SOX6: variants seen among roughly 807,000 people sequenced by gnomAD.
SOX6 encodes the protein transcription factor SOX-6.
Under a neutral mutation model 97.8 loss-of-function variants are expected in SOX6, and 11 were observed. The observed-to-expected ratio is 0.11, with a 90% CI of 0.07 to 0.19. SOX6 has a LOEUF of 0.19. Ranked by LOEUF, SOX6 falls within the 10% of genes least tolerant of loss-of-function variation. The pLI is 1.00. For synonymous variants in SOX6, 360 were observed against 371.4 expected (o/e 0.97, Z 0.35); for missense variants, 810 against 1,039.5 (o/e 0.78, Z 3.04).
chr11:16,501,873 A>G (rs1336305059), intron 4 of SOX6, among the ~76,000 whole-genome samples: 1 of 152,200 alleles, frequency 6.6e-6, no homozygotes, highest in Non-Finnish European at 1.5e-5. Context: ...GGGACTGTAA[A>G]CTAGTTCAAC....
intron 1 of SOX6, among the ~76,000 whole-genome samples, chr11:16,440,440 G>C (rs1362859513): frequency 2.6e-5 from 4 of 152,162 alleles, no homozygotes; most frequent in African/African-American, 9.7e-5. Context: ...AGGACGCAGA[G>C]CATATGTTTA....
At chr11:16,372,045 A>G (rs1857506457) in intron 1 of SOX6, among the ~76,000 whole-genome samples, 1 of 152,114 alleles carries the variant, frequency 6.6e-6, no homozygotes, top group Non-Finnish European at 1.5e-5. Flanking sequence ...AACATTTTAT[A>G]CTGCCTTAAT....
At chr11:16,108,514 A>AT (rs545800649) in intron 7 of SOX6, among the ~76,000 whole-genome samples, 73 of 152,252 alleles carry the variant, frequency 4.8e-4, no homozygotes, top group African/African-American at 1.7e-3. Flanking sequence ...CTTACTCTTG[A>AT]TTGGTGCACC....
intron 3 of SOX6, among the ~76,000 whole-genome samples, chr11:16,667,064 T>TAAA (rs35241540): frequency 7.0e-6 from 1 of 142,372 alleles, no homozygotes; most frequent in Non-Finnish European, 1.5e-5. Flanking sequence ...ACCAAAAAAT[T>TAAA]AAAAAAAAAA....
chr11:16,413,381 T>TA (rs1858861069), intron 1 of SOX6, among the ~76,000 whole-genome samples: 1 of 152,128 alleles, frequency 6.6e-6, no homozygotes, highest in Admixed American at 6.5e-5. Context: ...TACCCATCTC[T>TA]AAAAATTTAT....
chr11:16,570,002 T>A (rs963925032), intron 4 of SOX6, among the ~76,000 whole-genome samples: 8 of 151,700 alleles, frequency 5.3e-5, no homozygotes, highest in African/African-American at 1.9e-4. Context: ...CCAGATGATA[T>A]AAATTTGCAA....
chr11:16,431,717 T>C (rs189099689), intron 1 of SOX6, among the ~76,000 whole-genome samples: 10 of 152,276 alleles, frequency 6.6e-5, no homozygotes, highest in Non-Finnish European at 1.0e-4. Context: ...GTAACTTGAA[T>C]TTACTAAACT....
At chr11:16,606,165 C>T (rs1247499020) in intron 4 of SOX6, among the ~76,000 whole-genome samples, 1 of 151,842 alleles carries the variant, frequency 6.6e-6, no homozygotes, top group African/African-American at 2.4e-5. Flanking sequence ...GACTAGGGCT[C>T]TCCCGGGGTA....
intron 9 of SOX6, among the ~76,000 whole-genome samples, chr11:16,064,280 T>C (rs77289798): frequency 0.012 from 1,833 of 151,760 alleles, 35 homozygotes; most frequent in African/African-American, 0.041. Context: ...GGCTTTAAAT[T>C]GGGACCAGTA....
intron 1 of SOX6, among the ~76,000 whole-genome samples, chr11:16,389,042 C>A (rs563602450): frequency 6.6e-6 from 1 of 151,958 alleles, no homozygotes; most frequent in South Asian, 2.1e-4. Flanking sequence ...CTATATTCAT[C>A]TTCTTTTCTT....
At chr11:16,454,626 G>A (rs1390993891) in intron 1 of SOX6, among the ~76,000 whole-genome samples, 1 of 152,030 alleles carries the variant, frequency 6.6e-6, no homozygotes, top group Non-Finnish European at 1.5e-5. Context: ...AGGCGAGTTG[G>A]ACTTTATGAC....
intron 12 of SOX6, among the ~76,000 whole-genome samples, chr11:16,043,407 T>C (rs1855734608): frequency 6.6e-6 from 1 of 152,128 alleles, no homozygotes; most frequent in Admixed American, 6.6e-5. Flanking sequence ...CTACAATGTA[T>C]ATATTTAACA....
At chr11:16,368,585 C>T (rs1857420881) in intron 1 of SOX6, among the ~76,000 whole-genome samples, 1 of 152,084 alleles carries the variant, frequency 6.6e-6, no homozygotes. Context: ...TAACCCTTAT[C>T]TTATGCTTAT....
chr11:16,334,272 T>G (rs552207901), intron 2 of SOX6, among the ~76,000 whole-genome samples: 2 of 152,168 alleles, frequency 1.3e-5, no homozygotes, highest in African/African-American at 2.4e-5. Context: ...TTTGCACAGA[T>G]GTAGCAAAGT....
At chr11:16,379,434 C>T (rs1337523892) in intron 1 of SOX6, among the ~76,000 whole-genome samples, 1 of 151,472 alleles carries the variant, frequency 6.6e-6, no homozygotes, top group Non-Finnish European at 1.5e-5. Flanking sequence ...CCATTGCACT[C>T]CAGCCTGAGC....
At chr11:16,131,949 G>A (rs560387526) in intron 6 of SOX6, among the ~76,000 whole-genome samples, 9 of 151,908 alleles carry the variant, frequency 5.9e-5, no homozygotes, top group East Asian at 3.9e-4. Context: ...GAAACTCTTC[G>A]GGACTAAAAG....
At chr11:16,227,003 C>T (rs951020613) in intron 4 of SOX6, among the ~76,000 whole-genome samples, 1 of 152,150 alleles carries the variant, frequency 6.6e-6, no homozygotes, top group African/African-American at 2.4e-5. Flanking sequence ...AAGATTCAAA[C>T]CCTACTTTCA....
chr11:16,374,238 A>G (rs1203510826), intron 1 of SOX6, among the ~76,000 whole-genome samples: 1 of 152,086 alleles, frequency 6.6e-6, no homozygotes, highest in Non-Finnish European at 1.5e-5. Context: ...ATGGAAGTAT[A>G]CCCAAAAAAT....
intron 6 of SOX6, among the ~76,000 whole-genome samples, chr11:16,154,009 A>C (rs905792486): frequency 6.6e-6 from 1 of 152,148 alleles, no homozygotes; most frequent in African/African-American, 2.4e-5. Flanking sequence ...AATAAAAAGG[A>C]ATATAAAAGT....
Sources: allele counts gnomAD v4.1 joint callset (sites outside exome capture counted in the v4.1 genomes callset), GRCh38; gene constraint gnomAD v4.1.1; transcripts MANE v1.5; gene names NCBI Gene and HGNC (gene_info 2026-07-23, HGNC 2026-07-21).